The following NEGR1 variants were observed in gnomAD, a reference collection of about 807,000 sequenced individuals.
NEGR1 encodes the protein neuronal growth regulator 1, also known as IgLON family member 4.
In NEGR1, 10 loss-of-function variants were observed where a neutral mutation model predicts 40.9. The ratio of observed to expected loss-of-function variants is 0.24; its 90% CI spans 0.15 to 0.42. The LOEUF (loss-of-function observed/expected upper bound fraction) is 0.42. Among genes scored for constraint, NEGR1 ranks in the 10% least tolerant of loss-of-function variants. The pLI, the probability that NEGR1 is intolerant of heterozygous loss-of-function variation, is 1.00. For synonymous variants in NEGR1, 185 were observed against 166.8 expected, an observed-to-expected ratio of 1.11 and a Z score of -0.84; for missense variants, 352 against 438.9, an observed-to-expected ratio of 0.80 and a Z score of 1.77.
At position 71,568,371 on chromosome 1, in the gene NEGR1, A is replaced by G. The variant is rs1648689276; in HGVS notation, c.940+24446T>C. Among the ~76,000 whole-genome samples the G allele has an allele frequency of 3.9e-5, 6 of 152,280 alleles. No individual in the cohort carries two copies. In the East Asian group the frequency reaches 9.7e-4, roughly 25 times the overall value. ...GAGCCCTGTTTCTGTTCTTTTACCT[A>G]TGAGAGATTCTCTTGACAAACAGGG... On this transcript the variant is annotated intron_variant, in intron 6 of 6. Coordinates refer to ENST00000357731, the MANE Select transcript of NEGR1 (RefSeq NM_173808.3).
chr1:71,564,616 A>G (rs1328238608), intron 6 of NEGR1, among the ~76,000 whole-genome samples: 4 of 152,138 alleles, frequency 2.6e-5, no homozygotes, highest in Non-Finnish European at 5.9e-5. Context: ...AGAAAACATC[A>G]AAAATTTAAT....
At chr1:71,595,431 T>C (rs1649663815) in intron 5 of NEGR1, among the ~76,000 whole-genome samples, 2 of 152,234 alleles carry the variant, frequency 1.3e-5, no homozygotes, top group South Asian at 4.1e-4. Flanking sequence ...CCTATCTTCA[T>C]CTGGTAGATG....
At chr1:71,513,817 T>A (rs953552363) in intron 6 of NEGR1, among the ~76,000 whole-genome samples, 8 of 150,556 alleles carry the variant, frequency 5.3e-5, no homozygotes, top group Non-Finnish European at 1.2e-4. Flanking sequence ...AGGTACCGGG[T>A]TCATCTCACT....
At chr1:72,148,178 C>T (rs965540004) in intron 1 of NEGR1, among the ~76,000 whole-genome samples, 1 of 152,138 alleles carries the variant, frequency 6.6e-6, no homozygotes, top group Non-Finnish European at 1.5e-5. Context: ...GAGGACCCCG[C>T]CCCTGCAGCA....
chr1:72,044,023 C>A (rs1646979047), intron 1 of NEGR1, among the ~76,000 whole-genome samples: 1 of 151,602 alleles, frequency 6.6e-6, no homozygotes, highest in Admixed American at 6.6e-5. Flanking sequence ...ATGTTTTAAA[C>A]AAGTAAAAGC....
At chr1:71,659,139 G>C (rs770072850) in intron 4 of NEGR1, among the ~76,000 whole-genome samples, 24 of 152,156 alleles carry the variant, frequency 1.6e-4, no homozygotes, top group Admixed American at 2.6e-4. Flanking sequence ...TAACTTCTCT[G>C]AGACTGGATT....
At chr1:71,795,757 AG>A (rs1657301051) in intron 2 of NEGR1, among the ~76,000 whole-genome samples, 1 of 152,190 alleles carries the variant, frequency 6.6e-6, no homozygotes, top group African/African-American at 2.4e-5. Context: ...GAGTGCAAAA[AG>A]CCAGTTGGGA....
intron 5 of NEGR1, among the ~76,000 whole-genome samples, chr1:71,595,973 T>G (rs1211876443): frequency 6.6e-6 from 1 of 151,794 alleles, no homozygotes; most frequent in Non-Finnish European, 1.5e-5. Flanking sequence ...GAATCATTCT[T>G]ATATTGACTT....
At chr1:71,876,736 G>T (rs1173033840) in intron 2 of NEGR1, among the ~76,000 whole-genome samples, 1 of 152,134 alleles carries the variant, frequency 6.6e-6, no homozygotes, top group Non-Finnish European at 1.5e-5. Context: ...CATATATGTA[G>T]CATGTCAGGG....
chr1:71,662,650 G>A (rs1216484429), intron 4 of NEGR1, among the ~76,000 whole-genome samples: 4 of 151,620 alleles, frequency 2.6e-5, no homozygotes. Context: ...TAACACAAAT[G>A]TGATTATATT....
Position 71,761,801 on chromosome 1 carries a change from C to T in NEGR1, c.535+14371G>A, listed in dbSNP as rs549553405. 2.1e-4 allele frequency among the ~76,000 whole-genome samples: 32 copies of T among 151,766 alleles called. 1 individual carries two copies. Among genetic ancestry groups the T allele is most frequent in the African/African-American group, 4.6e-4 (19 of 41,376 alleles). On this transcript the variant is annotated intron_variant, in intron 3 of 6. Coordinates refer to ENST00000357731, the MANE Select transcript of NEGR1 (RefSeq NM_173808.3). ...CTTCAGTTGAACTGCCATAAAAGAA[C>T]GGCTATAAAAAAATTTTCTAAATAG...
intron 1 of NEGR1, among the ~76,000 whole-genome samples, chr1:72,043,841 G>C (rs985443723): frequency 4.0e-5 from 6 of 151,726 alleles, no homozygotes; most frequent in African/African-American, 1.2e-4. Context: ...GTACATGCAA[G>C]GACAATACAA....
chr1:72,131,785 T>C (rs1364969223), intron 1 of NEGR1, among the ~76,000 whole-genome samples: 1 of 152,172 alleles, frequency 6.6e-6, no homozygotes, highest in Non-Finnish European at 1.5e-5. Flanking sequence ...CAATATTAGT[T>C]ATCCTTAAGG....
intron 3 of NEGR1, among the ~76,000 whole-genome samples, chr1:71,767,847 A>G (rs2101708093): frequency 6.6e-6 from 1 of 152,334 alleles, no homozygotes; most frequent in African/African-American, 2.4e-5. Flanking sequence ...CCTGCATCCC[A>G]GCAACTCCAG....
intron 2 of NEGR1, among the ~76,000 whole-genome samples, chr1:71,814,676 T>C (rs1658133894): frequency 6.6e-6 from 1 of 152,138 alleles, no homozygotes; most frequent in Non-Finnish European, 1.5e-5. Flanking sequence ...CCATTTCTTC[T>C]AGATTTTCTA....
intron 4 of NEGR1, among the ~76,000 whole-genome samples, chr1:71,675,112 C>CATATATATATATATATATAT (rs1553157758): frequency 0.035 from 1,599 of 45,174 alleles, 157 homozygotes; most frequent in Non-Finnish European, 0.067. Flanking sequence ...CATGTTTATT[C>CATATATATATATATATATAT]ATATATATAT....
At position 71,934,952 on chromosome 1, in the gene NEGR1, T is replaced by A. The variant is rs142134536; in HGVS notation, c.409+127A>T. The A allele has an allele frequency of 3.6e-5, 23 of 647,578 alleles. No individual in the cohort carries two copies. In the East Asian group the frequency reaches 6.3e-4, roughly 18 times the overall value. 40.1% of individuals were successfully genotyped at this position (647,578 alleles called of 1,614,324 possible). A position where few individuals can be genotyped will look rare whatever the true frequency, so the allele number is the denominator to read the frequency against. The stretch of plus-strand genomic sequence containing the variant: ...TTCCTGAAAACTATGACAATATAAT[T>A]CAACAAATATTTCAATGACAACAAA... On this transcript the variant is annotated intron_variant, in intron 2 of 6. Coordinates refer to ENST00000357731, the MANE Select transcript of NEGR1 (RefSeq NM_173808.3).
chr1:72,072,913 TA>T (rs1170958570), intron 1 of NEGR1, among the ~76,000 whole-genome samples: 35 of 152,208 alleles, frequency 2.3e-4, no homozygotes, highest in Non-Finnish European at 4.9e-4. Flanking sequence ...TGTCTTGTAC[TA>T]CTTTATGAAG....
chr1:71,411,980 GA>G (rs1220418414), intron 6 of NEGR1, among the ~76,000 whole-genome samples: 1 of 151,944 alleles, frequency 6.6e-6, no homozygotes, highest in Non-Finnish European at 1.5e-5. Context: ...CAGCCTGGGT[GA>G]AAGAGTGAGA....
Sources: allele counts gnomAD v4.1 joint callset (sites outside exome capture counted in the v4.1 genomes callset), GRCh38; gene constraint gnomAD v4.1.1; transcripts MANE v1.5; gene names NCBI Gene and HGNC (gene_info 2026-07-23, HGNC 2026-07-21).